The following TAFA2 variants were observed in gnomAD, a reference collection of about 807,000 sequenced individuals.
The protein encoded by TAFA2 is chemokine-like protein TAFA-2.
Under a neutral mutation model 18.8 loss-of-function variants are expected in TAFA2, and 7 were observed. The observed-to-expected ratio is 0.37, with a 90% CI of 0.21 to 0.70. The LOEUF is 0.70. Among genes scored for constraint, TAFA2 ranks in the 30% least tolerant of loss-of-function variants. The pLI, the probability that TAFA2 is intolerant of heterozygous loss-of-function variation, is 0.53. For missense variants in TAFA2, 122 were observed against 158.1 expected (o/e 0.77, Z 1.23); for synonymous variants, 60 against 54.2 (o/e 1.11, Z -0.47).
chr12:61,937,314 C>T (rs1877810619), intron 1 of TAFA2, among the ~76,000 whole-genome samples: 1 of 152,022 alleles, frequency 6.6e-6, no homozygotes, highest in Non-Finnish European at 1.5e-5. Context: ...CATTAAAATT[C>T]ATATGGAACC....
intron 1 of TAFA2, among the ~76,000 whole-genome samples, chr12:61,978,345 T>C (rs111621259): frequency 6.6e-6 from 1 of 152,084 alleles, no homozygotes; most frequent in Admixed American, 6.6e-5. Flanking sequence ...CTTATCAGAC[T>C]TCATATATCT....
intron 4 of TAFA2, among the ~76,000 whole-genome samples, chr12:61,730,605 G>A (rs921862775): frequency 1.7e-4 from 26 of 152,090 alleles, no homozygotes; most frequent in Non-Finnish European, 3.2e-4. Context: ...TGTGGTATGG[G>A]GATGTGGTTC....
In TAFA2 at chr12:62,030,016, T is replaced by A. The variant is rs1334498855; in HGVS notation, c.-2+161243A>T. 2.0e-5 allele frequency among the ~76,000 whole-genome samples: 3 copies of A among 152,254 alleles called. No homozygotes were observed. In the East Asian group the frequency reaches 5.8e-4, roughly 29 times the overall value. ...TCCCATTGAGGTCTCATCTGGCTCC[T>A]CATGTAAATAAGGAATAATCACAAC... is the stretch of plus-strand genomic sequence containing the variant. On this transcript the variant is annotated intron_variant, in intron 1 of 4. Transcript: ENST00000416284.
At chr12:62,030,344 T>C (rs1367992375) in intron 1 of TAFA2, among the ~76,000 whole-genome samples, 1 of 152,066 alleles carries the variant, frequency 6.6e-6, no homozygotes, top group Non-Finnish European at 1.5e-5. Context: ...TATATACATA[T>C]TTAAATGGCC....
chr12:61,789,278 C>T (rs1277438227), intron 2 of TAFA2, among the ~76,000 whole-genome samples: 1 of 151,856 alleles, frequency 6.6e-6, no homozygotes, highest in Non-Finnish European at 1.5e-5. Flanking sequence ...AGTTTTAGGT[C>T]TTACATTTAA....
chr12:61,941,671 C>T (rs371312153), intron 1 of TAFA2, among the ~76,000 whole-genome samples: 28 of 152,304 alleles, frequency 1.8e-4, no homozygotes, highest in South Asian at 1.7e-3. Context: ...GTTCCCTTTC[C>T]GAGTCAAAGA....
chr12:61,797,912 T>C (rs1046671288), intron 2 of TAFA2, among the ~76,000 whole-genome samples: 1 of 152,202 alleles, frequency 6.6e-6, no homozygotes, highest in African/African-American at 2.4e-5. Context: ...TCAAGCACAG[T>C]AAGAAATACA....
At chr12:62,138,689 G>A (rs138949499) in intron 1 of TAFA2, among the ~76,000 whole-genome samples, 22 of 152,272 alleles carry the variant, frequency 1.4e-4, no homozygotes, top group Non-Finnish European at 2.4e-4. Flanking sequence ...TCCACTGCAC[G>A]CCAATTAAAT....
intron 1 of TAFA2, among the ~76,000 whole-genome samples, chr12:62,158,175 C>T (rs56014209): frequency 0.051 from 7,723 of 152,140 alleles, 281 homozygotes; most frequent in Non-Finnish European, 0.075. Flanking sequence ...AGAGATAGAG[C>T]CTGGCACATA....
At chr12:61,934,388 T>C (rs924004808) in intron 1 of TAFA2, among the ~76,000 whole-genome samples, 7 of 152,128 alleles carry the variant, frequency 4.6e-5, no homozygotes, top group African/African-American at 1.7e-4. Context: ...AATTGGGAAA[T>C]AAAGCCTAAT....
chr12:61,762,650 TAC>T (rs1555162990), intron 2 of TAFA2, among the ~76,000 whole-genome samples: 5 of 150,256 alleles, frequency 3.3e-5, no homozygotes, highest in Non-Finnish European at 7.4e-5. Context: ...TATATATATA[TAC>T]ATACACATAC....
chr12:61,970,644 GAT>G, intron 1 of TAFA2, among the ~76,000 whole-genome samples: 1 of 151,300 alleles, frequency 6.6e-6, no homozygotes, highest in Admixed American at 6.6e-5. Flanking sequence ...TCGAGAAAAT[GAT>G]ATAACAGAAG....
chr12:61,822,805 C>T (rs1444829412), intron 2 of TAFA2, among the ~76,000 whole-genome samples: 1 of 152,042 alleles, frequency 6.6e-6, no homozygotes, highest in African/African-American at 2.4e-5. Context: ...CATAATATCA[C>T]ATGTATCAAT....
intron 1 of TAFA2, among the ~76,000 whole-genome samples, chr12:62,075,732 A>G (rs1220683032): frequency 6.6e-6 from 1 of 152,182 alleles, no homozygotes; most frequent in Non-Finnish European, 1.5e-5. Flanking sequence ...AATTACCAGT[A>G]AGGGTTTTTG....
intron 1 of TAFA2, among the ~76,000 whole-genome samples, chr12:62,240,518 AATT>A (rs2062858064): frequency 2.0e-5 from 3 of 152,160 alleles, no homozygotes; most frequent in South Asian, 4.1e-4. Flanking sequence ...TATGCTTTTA[AATT>A]ATTATAATGT....
At chr12:61,738,173 G>A (rs1188049199) in intron 4 of TAFA2, among the ~76,000 whole-genome samples, 1 of 151,832 alleles carries the variant, frequency 6.6e-6, no homozygotes, top group East Asian at 1.9e-4. Flanking sequence ...AGCAAAATGG[G>A]CAAGGGTGAC....
intron 1 of TAFA2, among the ~76,000 whole-genome samples, chr12:62,015,295 C>A (rs958520627): frequency 6.6e-6 from 1 of 152,140 alleles, no homozygotes; most frequent in Admixed American, 6.5e-5. Flanking sequence ...ATTGCACAGC[C>A]AGCATCTAAA....
At position 62,002,148 on chromosome 12, in the gene TAFA2, G is replaced by A. The variant is rs145335150; in HGVS notation, c.-1-134722C>T. Among the ~76,000 whole-genome samples, 211 of 152,160 alleles carry A rather than the reference G, an allele frequency of 1.4e-3. 1 individual carries two copies. The highest frequency in any genetic ancestry group is 5.0e-3 in the African/African-American group (208 of 41,504). ...GGTCACTGCAATTAGGTCCTGTAGT[G>A]GCTTATGTTTCACTGCGTTTTCATA... On this transcript the variant is annotated intron_variant, in intron 1 of 4. Transcript: ENST00000416284.
At chr12:62,157,812 C>T (rs548681554) in intron 1 of TAFA2, among the ~76,000 whole-genome samples, 12 of 152,138 alleles carry the variant, frequency 7.9e-5, no homozygotes, top group Non-Finnish European at 1.5e-4. Context: ...CATTATCTGT[C>T]ATATCTTAAC....
Sources: allele counts gnomAD v4.1 joint callset (sites outside exome capture counted in the v4.1 genomes callset), GRCh38; gene constraint gnomAD v4.1.1; transcripts MANE v1.5; gene names NCBI Gene and HGNC (gene_info 2026-07-23, HGNC 2026-07-21).